SIMC1: variants seen among roughly 807,000 people sequenced by gnomAD.
SIMC1 encodes SUMO-interacting motif-containing protein 1.
Under a neutral mutation model 82.3 loss-of-function variants are expected in SIMC1, and 55 were observed. The observed-to-expected ratio is 0.67, with a 90% CI of 0.54 to 0.84. SIMC1 has a LOEUF of 0.84. SIMC1 is among the 40% of genes least tolerant of loss of function. The pLI, the probability that SIMC1 is intolerant of heterozygous loss-of-function variation, is 0.00. For synonymous variants in SIMC1, 353 were observed against 426.3 expected, an observed-to-expected ratio of 0.83 and a Z score of 2.12; for missense variants, 915 against 1,107.2, an observed-to-expected ratio of 0.83 and a Z score of 2.46.
At chr5:176,335,104 A>AT (rs948400070) in intron 7 of SIMC1, among the ~76,000 whole-genome samples, 4 of 99,968 alleles carry the variant, frequency 4.0e-5, no homozygotes, top group Admixed American at 1.0e-4. Flanking sequence ...CTCAAAAAAA[A>AT]AAAAATAATA....
At chr5:176,248,932 T>C (rs1195410378) in intron 1 of SIMC1, among the ~76,000 whole-genome samples, 1 of 152,174 alleles carries the variant, frequency 6.6e-6, no homozygotes, top group Non-Finnish European at 1.5e-5. Context: ...GATCCAGCCT[T>C]GCATCCCAGG....
At chr5:176,271,606 G>T (rs560809922) in intron 1 of SIMC1, among the ~76,000 whole-genome samples, 13 of 151,694 alleles carry the variant, frequency 8.6e-5, no homozygotes, top group Admixed American at 8.6e-4. Context: ...AGAATGGATG[G>T]TTAATGGGTA....
At chr5:176,342,902 G>C (rs1342289643) in intron 9 of SIMC1, among the ~76,000 whole-genome samples, 1 of 152,142 alleles carries the variant, frequency 6.6e-6, no homozygotes, top group Non-Finnish European at 1.5e-5. Context: ...ACAAGGACTG[G>C]GCCCAAGGCT....
intron 1 of SIMC1, among the ~76,000 whole-genome samples, chr5:176,251,307 C>A (rs2113119486): frequency 6.6e-6 from 1 of 152,310 alleles, no homozygotes; most frequent in South Asian, 2.1e-4. Flanking sequence ...TTACAGCAAG[C>A]CAAGGTCGTG....
At chr5:176,251,411 G>A (rs571731229) in intron 1 of SIMC1, among the ~76,000 whole-genome samples, 1 of 152,102 alleles carries the variant, frequency 6.6e-6, no homozygotes, top group Admixed American at 6.5e-5. Flanking sequence ...GCAGTGGCTG[G>A]TACCGGTTTT....
intron 1 of SIMC1, among the ~76,000 whole-genome samples, chr5:176,249,230 C>T (rs975827258): frequency 1.3e-5 from 2 of 151,986 alleles, no homozygotes; most frequent in African/African-American, 4.8e-5. Flanking sequence ...TCCGTCTGGT[C>T]CTGGGCTTTT....
intron 9 of SIMC1, among the ~76,000 whole-genome samples, chr5:176,339,893 CT>C (rs1324386638): frequency 6.6e-6 from 1 of 152,184 alleles, no homozygotes; most frequent in African/African-American, 2.4e-5. Flanking sequence ...AGTCAGCGTC[CT>C]TGTCAGTCAG....
rs1010857293 is a variant in SIMC1 at position 176,317,076 on chromosome 5, GA to G, written c.1889+3238del. 2.0e-5 allele frequency among the ~76,000 whole-genome samples: 3 copies of G among 152,056 alleles called. No individual in the cohort carries two copies. The South Asian group carries it at 6.2e-4, about 32-fold the overall frequency. ...GTCCTCTGTTTTGTGCTTACTCAAT[GA>G]AAAAAATCATTTGTTTCAGTTGGCA... On this transcript the variant is annotated intron_variant, in intron 5 of 9. Coordinates refer to ENST00000429602, the MANE Select transcript of SIMC1 (RefSeq NM_001308195.2).
At chr5:176,299,019 C>T (rs1017117526) in intron 4 of SIMC1, among the ~76,000 whole-genome samples, 1 of 152,186 alleles carries the variant, frequency 6.6e-6, no homozygotes, top group Non-Finnish European at 1.5e-5. Flanking sequence ...AATTAAAAGA[C>T]AGAGATTAGC....
chr5:176,269,054 A>C (rs191938305), intron 1 of SIMC1, among the ~76,000 whole-genome samples: 1 of 152,228 alleles, frequency 6.6e-6, no homozygotes, highest in Non-Finnish European at 1.5e-5. Flanking sequence ...AAAAATTCAC[A>C]TACTTTTAAA....
intron 7 of SIMC1, among the ~76,000 whole-genome samples, chr5:176,329,922 G>T (rs188471364): frequency 2.6e-4 from 40 of 152,260 alleles, no homozygotes; most frequent in African/African-American, 9.6e-4. Flanking sequence ...TAAATATAGA[G>T]ATAGGAATAG....
At chr5:176,327,963 T>C (rs1473212420) in intron 7 of SIMC1, among the ~76,000 whole-genome samples, 2 of 152,260 alleles carry the variant, frequency 1.3e-5, no homozygotes, top group Non-Finnish European at 1.5e-5. Flanking sequence ...ATCCTTCTTA[T>C]ATATTGATGG....
intron 9 of SIMC1, among the ~76,000 whole-genome samples, chr5:176,339,395 A>G (rs2113417603): frequency 6.6e-6 from 1 of 152,226 alleles, no homozygotes; most frequent in Middle Eastern, 3.4e-3. Context: ...TGTCCAGTCC[A>G]TGCATGATAT....
intron 1 of SIMC1, among the ~76,000 whole-genome samples, chr5:176,286,870 A>G (rs1262828080): frequency 6.6e-6 from 1 of 152,260 alleles, no homozygotes; most frequent in Non-Finnish European, 1.5e-5. Flanking sequence ...CAACAGACAC[A>G]TGAAAAAATG....
At chr5:176,292,327 T>A (rs1187087834) in intron 2 of SIMC1, among the ~76,000 whole-genome samples, 1 of 152,148 alleles carries the variant, frequency 6.6e-6, no homozygotes, top group Non-Finnish European at 1.5e-5. Flanking sequence ...TTTAGTTATG[T>A]ACATCCCATC....
intron 4 of SIMC1, among the ~76,000 whole-genome samples, chr5:176,304,831 C>T (rs1764220268): frequency 6.7e-6 from 1 of 150,094 alleles, no homozygotes; most frequent in South Asian, 2.1e-4. Flanking sequence ...AGCGCCTCTG[C>T]CCCGCCGCCC....
intron 1 of SIMC1, among the ~76,000 whole-genome samples, chr5:176,285,941 C>T (rs888583848): frequency 6.6e-6 from 1 of 152,158 alleles, no homozygotes; most frequent in Non-Finnish European, 1.5e-5. Flanking sequence ...ATGTGAAGGA[C>T]CTCTTCAAGG....
chr5:176,306,725 A>G (rs979370413), intron 4 of SIMC1, among the ~76,000 whole-genome samples: 1 of 151,534 alleles, frequency 6.6e-6, no homozygotes, highest in Non-Finnish European at 1.5e-5. Context: ...CATGCTCGTT[A>G]AGAGTCATCA....
intron 1 of SIMC1, among the ~76,000 whole-genome samples, chr5:176,284,252 C>G: frequency 6.6e-6 from 1 of 152,182 alleles, no homozygotes; most frequent in East Asian, 1.9e-4. Flanking sequence ...ATACTTATTC[C>G]AAAACTGACC....
Sources: gnomAD v4.1 joint callset for allele counts (sites outside exome capture counted in the v4.1 genomes callset) on GRCh38, gnomAD v4.1.1 for gene constraint, MANE v1.5 for transcripts, NCBI Gene and HGNC (gene_info 2026-07-23, HGNC 2026-07-21) for gene names.